SUGCT: variants seen among roughly 807,000 people sequenced by gnomAD.
SUGCT encodes the protein succinyl-CoA:glutarate CoA-transferase.
In SUGCT, 41 loss-of-function variants were observed where a neutral mutation model predicts 55.0. That is an observed-to-expected ratio of 0.74 (90% CI 0.58 to 0.97). The LOEUF is 0.97. SUGCT is among the 50% of genes least tolerant of loss of function. The pLI is 0.00. For synonymous variants in SUGCT, 187 were observed against 200.4 expected, an observed-to-expected ratio of 0.93 and a Z score of 0.56; for missense variants, 568 against 547.8, an observed-to-expected ratio of 1.04 and a Z score of -0.37.
At chr7:40,516,017 C>T (rs1793210712) in intron 12 of SUGCT, among the ~76,000 whole-genome samples, 1 of 152,108 alleles carries the variant, frequency 6.6e-6, no homozygotes, top group Non-Finnish European at 1.5e-5. Context: ...TCTTCCCTTT[C>T]TTCTTTCTTC....
At chr7:40,864,448 G>A (rs73689876), downstream of SUGCT, among the ~76,000 whole-genome samples, 15,015 of 152,064 alleles carry the variant, frequency 0.099, 831 homozygotes, top group Middle Eastern at 0.18. Context: ...CACCATGCCC[G>A]GAATGACCCT....
At chr7:40,918,670 C>G in the SUGCT span, among the ~76,000 whole-genome samples, 7 of 151,878 alleles carry the variant, frequency 4.6e-5, 1 homozygote, top group South Asian at 6.2e-4. Context: ...GGAAGATGAT[C>G]GAAATAAAAG....
chr7:40,892,019 AG>A, the SUGCT span, among the ~76,000 whole-genome samples: 2 of 152,112 alleles, frequency 1.3e-5, no homozygotes, highest in African/African-American at 2.4e-5. Flanking sequence ...CAAAAAAAAA[AG>A]AATATATAAA....
At chr7:41,031,116 C>A in the SUGCT span, among the ~76,000 whole-genome samples, 126 of 152,208 alleles carry the variant, frequency 8.3e-4, 1 homozygote, top group African/African-American at 3.0e-3. Flanking sequence ...TGCAAGCCAC[C>A]ACGCTGGCCT....
At chr7:40,136,492 C>G (rs1316662849) in intron 1 of SUGCT, among the ~76,000 whole-genome samples, 1 of 152,180 alleles carries the variant, frequency 6.6e-6, no homozygotes, top group African/African-American at 2.4e-5. Context: ...GAGACACACA[C>G]AGACAGTTTT....
chr7:40,644,122 AT>A (rs1296879759), intron 12 of SUGCT, among the ~76,000 whole-genome samples: 1 of 152,182 alleles, frequency 6.6e-6, no homozygotes, highest in Admixed American at 6.5e-5. Flanking sequence ...TGACTCCTGC[AT>A]CAGCTTCTCT....
chr7:40,732,820 G>A lies in SUGCT; in HGVS notation c.1090-16614G>A, dbSNP rs917359056. On this transcript the variant is annotated intron_variant, in intron 12 of 13. Coordinates refer to ENST00000335693, the MANE Select transcript of SUGCT (RefSeq NM_001193313.2). ...TGATGACACCTGATTGAAATTGTGAGCCAACACGCCTGTAATCCCAGCGCT... is the reference window on the plus strand; with the variant it reads ...TGATGACACCTGATTGAAATTGTGAACCAACACGCCTGTAATCCCAGCGCT... Among the ~76,000 whole-genome samples, 7 of 152,120 alleles carry A rather than the reference G, an allele frequency of 4.6e-5. No homozygotes were observed. The East Asian group carries it at 1.4e-3, about 29-fold the overall frequency.
chr7:40,673,567 T>C (rs934945325), intron 12 of SUGCT, among the ~76,000 whole-genome samples: 1 of 152,214 alleles, frequency 6.6e-6, no homozygotes, highest in Non-Finnish European at 1.5e-5. Flanking sequence ...TGAAACTCTC[T>C]GTGAGGAGTT....
At chr7:40,646,277 C>T (rs903296015) in intron 12 of SUGCT, among the ~76,000 whole-genome samples, 5 of 152,182 alleles carry the variant, frequency 3.3e-5, no homozygotes, top group African/African-American at 4.8e-5. Flanking sequence ...TCCTCATAGC[C>T]TCCTTATTAG....
chr7:40,777,319 A>G (rs1473982142), intron 13 of SUGCT, among the ~76,000 whole-genome samples: 1 of 151,942 alleles, frequency 6.6e-6, no homozygotes, highest in African/African-American at 2.4e-5. Flanking sequence ...CAGACTGGGC[A>G]CTCTTACCTT....
At chr7:40,953,431 T>C in the SUGCT span, among the ~76,000 whole-genome samples, 2 of 152,218 alleles carry the variant, frequency 1.3e-5, no homozygotes, top group African/African-American at 4.8e-5. Flanking sequence ...TTTGATTGTC[T>C]GAAGCCTTCT....
chr7:40,832,776 G>A (rs896529464), intron 13 of SUGCT, among the ~76,000 whole-genome samples: 4 of 151,218 alleles, frequency 2.6e-5, no homozygotes, highest in South Asian at 2.1e-4. Context: ...CCAGGTTCAC[G>A]CCATTCTCTT....
chr7:40,184,670 G>T (rs149070590), intron 3 of SUGCT, among the ~76,000 whole-genome samples: 2 of 152,144 alleles, frequency 1.3e-5, no homozygotes, highest in Admixed American at 1.3e-4. Context: ...TCAAAAATTA[G>T]CATTATTATT....
chr7:40,743,100 C>A (rs1787551856), intron 12 of SUGCT, among the ~76,000 whole-genome samples: 1 of 152,130 alleles, frequency 6.6e-6, no homozygotes, highest in Admixed American at 6.5e-5. Context: ...ATTGTCCATG[C>A]AGAGCTTCTC....
chr7:40,975,876 A>C, the SUGCT span, among the ~76,000 whole-genome samples: 1 of 152,230 alleles, frequency 6.6e-6, no homozygotes, highest in Non-Finnish European at 1.5e-5. Flanking sequence ...AATGCCAAAC[A>C]AGACTTGGAA....
chr7:40,625,977 T>C (rs1799508573), intron 12 of SUGCT, among the ~76,000 whole-genome samples: 1 of 152,232 alleles, frequency 6.6e-6, no homozygotes, highest in Admixed American at 6.5e-5. Flanking sequence ...CCCTGTGAAG[T>C]ACATATTTGT....
At chr7:40,336,972 G>A (rs1324484389) in intron 9 of SUGCT, among the ~76,000 whole-genome samples, 1 of 152,164 alleles carries the variant, frequency 6.6e-6, no homozygotes, top group Middle Eastern at 3.2e-3. Context: ...TGGTTTCAAA[G>A]AACATCTTTA....
intron 12 of SUGCT, among the ~76,000 whole-genome samples, chr7:40,684,953 C>T (rs193037325): frequency 7.7e-4 from 118 of 152,290 alleles, no homozygotes; most frequent in African/African-American, 2.8e-3. Context: ...CTCTTAGCCT[C>T]CCAAGTAGCT....
chr7:40,557,712 G>A (rs1247647701), intron 12 of SUGCT, among the ~76,000 whole-genome samples: 5 of 151,438 alleles, frequency 3.3e-5, no homozygotes, highest in African/African-American at 9.7e-5. Flanking sequence ...GGCGGAGGTT[G>A]CAGTGAGCTG....
Sources: allele counts gnomAD v4.1 joint callset (sites outside exome capture counted in the v4.1 genomes callset), GRCh38; gene constraint gnomAD v4.1.1; transcripts MANE v1.5; gene names NCBI Gene and HGNC (gene_info 2026-07-23, HGNC 2026-07-21).